Variants in USP4 observed in about 807,000 individuals in gnomAD.
USP4 encodes the protein ubiquitin specific peptidase 4.
In USP4, 72 loss-of-function variants were observed where a neutral mutation model predicts 118.2. The observed-to-expected ratio is 0.61, with a 90% CI of 0.50 to 0.74. The LOEUF (loss-of-function observed/expected upper bound fraction) is 0.74. USP4 is among the 30% of genes least tolerant of loss of function. The pLI, the probability that USP4 is intolerant of heterozygous loss-of-function variation, is 0.00. For synonymous variants in USP4, 415 were observed against 440.4 expected (o/e 0.94, Z 0.72); for missense variants, 1,037 against 1,185.7 (o/e 0.87, Z 1.84).
rs1472353799 is a variant in USP4, at chr3:49,277,279, CA to C, written c.*1013del. ...CCCACGGATTAGGTTGAAGGTCAGA[CA>C]AAAAATCCCGGACCCATACGTCCGG... is the stretch of plus-strand genomic sequence containing the variant. On this transcript the variant is annotated 3_prime_UTR_variant, in exon 22 of 22. Coordinates refer to ENST00000265560, the MANE Select transcript of USP4 (RefSeq NM_003363.4). The C allele has an allele frequency of 1.6e-6, 2 of 1,271,034 alleles. No individual in the cohort carries two copies. Among genetic ancestry groups the C allele is most frequent in the East Asian group, 5.6e-5 (1 of 17,772 alleles). The allele number at this position is 1,271,034 out of a possible 1,614,324, so 78.7% of individuals were successfully genotyped here. A position where few individuals can be genotyped will look rare whatever the true frequency, so the allele number is the denominator to read the frequency against.
intron 21 of USP4, 71 bp downstream of exon 21, chr3:49,278,743 C>T: frequency 8.2e-7 from 1 of 1,226,530 alleles, no homozygotes. Context: ...AACCAACTAG[C>T]CTGATAGAGG....
intron 1 of USP4, among the ~76,000 whole-genome samples, chr3:49,335,917 A>ATAG: frequency 6.6e-6 from 1 of 152,202 alleles, no homozygotes; most frequent in East Asian, 1.9e-4. Flanking sequence ...AGGCTGGAGT[A>ATAG]TAGTGACACA....
At chr3:49,281,531 C>T (rs28783764) in intron 19 of USP4, among the ~76,000 whole-genome samples, 41 of 135,482 alleles carry the variant, frequency 3.0e-4, no homozygotes, top group East Asian at 1.6e-3. Flanking sequence ...CACACACACA[C>T]ATATATACAT....
chr3:49,297,970 A>T lies in USP4; in HGVS notation c.1597-6T>A. On this transcript the variant is annotated splice_polypyrimidine_tract_variant and splice_region_variant and intron_variant, in intron 12 of 21. Transcript: ENST00000265560. ...TACACATCTGCGACCACCATCTAAG[A>T]ATGAACAGTAACAGAAAGACCACAG... is the stretch of plus-strand genomic sequence containing the variant. 1 of 1,599,350 alleles carries T rather than the reference A, an allele frequency of 6.3e-7. No homozygotes were observed. Among genetic ancestry groups the T allele is most frequent in the South Asian group, 1.1e-5 (1 of 90,790 alleles).
chr3:49,286,125 C>T lies in USP4; in HGVS notation c.2173G>A (p.Ala725Thr), dbSNP rs775870883. 1.2e-6 allele frequency: 2 copies of T among 1,614,190 alleles called. No individual in the cohort carries two copies. The highest frequency in any genetic ancestry group is 1.7e-5 in the Admixed American group (1 of 60,008). ...TTGAGTTTAAGTAGTTTTCCATCAGCTGCAAGTGAATTTATGTCAGCTGTT... is the reference window on the plus strand; with the variant it reads ...TTGAGTTTAAGTAGTTTTCCATCAGTTGCAAGTGAATTTATGTCAGCTGTT... ...YGTADINSLA[A>T]DGKLLKLNSR... Residue 725 changes from alanine (A) to threonine (T), a missense_variant, in exon 16 of 22, where the codon GCT (alanine) becomes ACT (threonine). Around this residue, in one of 3 missense-constraint regions of USP4, gnomAD observed 522 missense variants for 592.6 expected, o/e 0.88. Transcript: ENST00000265560.
rs2047232307 is a variant in USP4, at chr3:49,298,550, A to G, written c.1596+2T>C. The G allele has an allele frequency of 1.2e-6, 2 of 1,614,016 alleles. No homozygotes were observed. The highest frequency in any genetic ancestry group is 8.5e-7 in the Non-Finnish European group (1 of 1,179,968). On this transcript the variant is annotated splice_donor_variant, in intron 12 of 21. Coordinates refer to ENST00000265560, the MANE Select transcript of USP4 (RefSeq NM_003363.4). LOFTEE classifies it high-confidence loss of function. ...CGAGTGCCACTGATCACCCCGCCTT[A>G]CATTTTCTGCAGCAATGCCAGACAG...
chr3:49,300,776 G>T, intron 10 of USP4, 85 bp from the exon 11 acceptor site: 1 of 1,260,492 alleles, frequency 7.9e-7, no homozygotes, highest in Non-Finnish European at 1.1e-6. Context: ...CAAACCTGGA[G>T]ATGAATCAGG....
intron 8 of USP4, among the ~76,000 whole-genome samples, chr3:49,307,492 T>G (rs1184545652): frequency 1.3e-5 from 2 of 152,086 alleles, no homozygotes; most frequent in East Asian, 3.9e-4. Context: ...CTTGCTTATG[T>G]TAGCTAGGCT....
At chr3:49,339,702 C>A (rs907981876) in intron 1 of USP4, among the ~76,000 whole-genome samples, 2 of 152,162 alleles carry the variant, frequency 1.3e-5, no homozygotes, top group Non-Finnish European at 2.9e-5. Flanking sequence ...CCCGCCGGGC[C>A]CGCCCCCTAG....
intron 9 of USP4, among the ~76,000 whole-genome samples, chr3:49,303,645 A>G (rs1477781161): frequency 1.3e-5 from 2 of 152,138 alleles, no homozygotes; most frequent in South Asian, 2.1e-4. Flanking sequence ...GTGCAGATAT[A>G]TAACACATCC....
At chr3:49,307,660 TG>T (rs1025327730) in intron 8 of USP4, among the ~76,000 whole-genome samples, 2 of 152,016 alleles carry the variant, frequency 1.3e-5, no homozygotes, top group Non-Finnish European at 2.9e-5. Flanking sequence ...TAAAGAATAT[TG>T]GGCCAAGTGC....
intron 13 of USP4, among the ~76,000 whole-genome samples, chr3:49,294,873 C>A (rs2047186864): frequency 6.6e-6 from 1 of 152,170 alleles, no homozygotes; most frequent in Non-Finnish European, 1.5e-5. Context: ...CTCTGTGGTC[C>A]TTCAACTGGG....
intron 15 of USP4, 41 bp downstream of exon 15, chr3:49,292,469 T>C (rs770385622): frequency 1.5e-6 from 2 of 1,290,996 alleles, no homozygotes; most frequent in South Asian, 2.8e-5. Context: ...AATCAGGAGG[T>C]ATTTGGTCAG....
At chr3:49,286,013 A>G (rs191817413) in intron 16 of USP4, 85 bp downstream of exon 16, 82 of 1,303,520 alleles carry the variant, frequency 6.3e-5, no homozygotes, top group Non-Finnish European at 8.8e-5. Flanking sequence ...GTGAAAGCCC[A>G]ATGCAGTGAG....
intron 8 of USP4, among the ~76,000 whole-genome samples, chr3:49,309,712 C>T (rs1172349860): frequency 2.0e-5 from 3 of 149,482 alleles, no homozygotes; most frequent in South Asian, 2.1e-4. Flanking sequence ...CTGCAACCTC[C>T]GTCTCCTGGG....
intron 8 of USP4, among the ~76,000 whole-genome samples, chr3:49,309,619 CTTTTTTTTTTTTTT>C (rs35128646): frequency 1.3e-5 from 1 of 79,360 alleles, no homozygotes; most frequent in African/African-American, 4.9e-5. Flanking sequence ...GGCGGGACAG[CTTTTTTTTTTTTTT>C]TTTTTTTTTT....
At position 49,284,010 on chromosome 3, in the gene USP4, GTCGAGCTTATCCC is replaced by G; in HGVS notation, c.2504_2516del (p.Arg835ThrfsTer4). On this transcript the variant is annotated frameshift_variant, in exon 19 of 22. Transcript: ENST00000265560. LOFTEE classifies it high-confidence loss of function. ...ACCTGATTGGGAATTCTACGACTGT[GTCGAGCTTATCCC>G]TCCAGTATCTGTTGTAGGAGAAACG... 6.2e-7 allele frequency: 1 copy of G among 1,614,258 alleles called. No homozygotes were observed. Among genetic ancestry groups the G allele is most frequent in the Non-Finnish European group, 8.5e-7 (1 of 1,180,052 alleles).
At chr3:49,322,359 A>T (rs1219391187) in intron 6 of USP4, among the ~76,000 whole-genome samples, 1 of 152,228 alleles carries the variant, frequency 6.6e-6, no homozygotes, top group East Asian at 1.9e-4. Context: ...CATTTGGGTT[A>T]GCTCCAGTTT....
At chr3:49,327,443 C>T (rs1310468577) in intron 3 of USP4, among the ~76,000 whole-genome samples, 1 of 151,912 alleles carries the variant, frequency 6.6e-6, no homozygotes, top group African/African-American at 2.4e-5. Flanking sequence ...GGCTGAGGCA[C>T]GAGAATCACT....
Sources: gnomAD v4.1 joint callset for allele counts (sites outside exome capture counted in the v4.1 genomes callset) on GRCh38, gnomAD v4.1.1 for gene constraint, gnomAD v4.1.1 regional missense constraint, MANE v1.5 for transcripts, NCBI Gene and HGNC (gene_info 2026-07-23, HGNC 2026-07-21) for gene names.